Variants in LRRTM4 observed in about 807,000 individuals in gnomAD.
The protein encoded by LRRTM4 is leucine rich repeat transmembrane neuronal 4.
Under a neutral mutation model 47.6 loss-of-function variants are expected in LRRTM4, and 25 were observed. The ratio of observed to expected loss-of-function variants is 0.53; its 90% CI spans 0.38 to 0.73. LRRTM4 has a LOEUF of 0.73. LRRTM4 is among the 30% of genes least tolerant of loss of function. The pLI, the probability that LRRTM4 is intolerant of heterozygous loss-of-function variation, is 0.00. For missense variants in LRRTM4, 638 were observed against 713.4 expected, an observed-to-expected ratio of 0.89 and a Z score of 1.20; for synonymous variants, 311 against 269.5, an observed-to-expected ratio of 1.15 and a Z score of -1.51.
At chr2:76,863,718 C>T (rs1380827126) in intron 3 of LRRTM4, among the ~76,000 whole-genome samples, 3 of 152,140 alleles carry the variant, frequency 2.0e-5, no homozygotes, top group African/African-American at 4.8e-5. Flanking sequence ...AAAAAACACA[C>T]ACCTCCATAT....
At chr2:76,940,790 C>A (rs1284700860) in intron 3 of LRRTM4, among the ~76,000 whole-genome samples, 3 of 152,150 alleles carry the variant, frequency 2.0e-5, no homozygotes, top group Non-Finnish European at 1.5e-5. Flanking sequence ...ACTGTGCTAA[C>A]CTGAACTCCC....
chr2:76,846,828 T>TATAG (rs1340029450), intron 3 of LRRTM4, among the ~76,000 whole-genome samples: 1 of 152,192 alleles, frequency 6.6e-6, no homozygotes, highest in Non-Finnish European at 1.5e-5. Context: ...TTTTCATGGA[T>TATAG]ATAGCCCATT....
intron 3 of LRRTM4, among the ~76,000 whole-genome samples, chr2:76,957,616 A>G (rs1675715759): frequency 6.6e-6 from 1 of 151,740 alleles, no homozygotes; most frequent in African/African-American, 2.4e-5. Context: ...TCTTTATCAA[A>G]CTTGGATTAT....
At chr2:76,874,229 C>T (rs1672717304) in intron 3 of LRRTM4, among the ~76,000 whole-genome samples, 1 of 151,872 alleles carries the variant, frequency 6.6e-6, no homozygotes, top group Admixed American at 6.6e-5. Flanking sequence ...AGAAAACAGT[C>T]AAGGAAGTCT....
At chr2:76,925,285 T>G (rs2103818624) in intron 3 of LRRTM4, among the ~76,000 whole-genome samples, 1 of 152,174 alleles carries the variant, frequency 6.6e-6, no homozygotes, top group South Asian at 2.1e-4. Flanking sequence ...AGGGAGCGGG[T>G]TGGCTTCCAG....
rs143102340 is a variant in LRRTM4 at position 77,127,969 on chromosome 2, C to G, written c.1552-379053G>C. On this transcript the variant is annotated intron_variant, in intron 3 of 3. Coordinates refer to ENST00000409884, the MANE Select transcript of LRRTM4 (RefSeq NM_001134745.3). ...ACCTGCCTGAGCAACATGGTGAAAC[C>G]CTGTCTCTACTAAAAATACAAAAAT... Among the ~76,000 whole-genome samples, 344 of 152,092 alleles carry G rather than the reference C, an allele frequency of 2.3e-3. 4 individuals carry two copies. The highest frequency in any genetic ancestry group is 8.0e-3 in the African/African-American group (332 of 41,498).
chr2:76,798,372 G>A (rs1309478681), intron 3 of LRRTM4, among the ~76,000 whole-genome samples: 1 of 151,706 alleles, frequency 6.6e-6, no homozygotes, highest in Admixed American at 6.6e-5. Context: ...ACGAAATGAA[G>A]GCACAAATAA....
rs11437981 is a variant in LRRTM4, at chr2:76,748,540, GT to G, written c.*154del. 2.7e-5 allele frequency: 17 copies of G among 634,928 alleles called. No individual in the cohort carries two copies. The highest frequency in any genetic ancestry group is 8.7e-4 in the Middle Eastern group (2 of 2,310). 39.3% of individuals were successfully genotyped at this position (634,928 alleles called of 1,614,324 possible). On this transcript the variant is annotated 3_prime_UTR_variant, in exon 4 of 4. Coordinates refer to ENST00000409884, the MANE Select transcript of LRRTM4 (RefSeq NM_001134745.3). ...GTGCATTCGCTGCCCTCTTCAAGCA[GT>G]TTTTTTTTCTCTTTTTCTTTTCTCT...
intron 3 of LRRTM4, among the ~76,000 whole-genome samples, chr2:77,062,465 A>G (rs1573516979): frequency 1.3e-5 from 2 of 152,184 alleles, no homozygotes; most frequent in African/African-American, 4.8e-5. Context: ...TTTAAAGTTA[A>G]TAATAATTTT....
intron 3 of LRRTM4, among the ~76,000 whole-genome samples, chr2:76,900,161 G>C (rs1673574497): frequency 6.6e-6 from 1 of 152,010 alleles, no homozygotes; most frequent in Non-Finnish European, 1.5e-5. Flanking sequence ...TTGAATCTGG[G>C]AAGCACAGAT....
At chr2:76,973,981 G>A (rs1676309670) in intron 3 of LRRTM4, among the ~76,000 whole-genome samples, 1 of 151,420 alleles carries the variant, frequency 6.6e-6, no homozygotes, top group Admixed American at 6.6e-5. Flanking sequence ...TTTTCAAGAT[G>A]GAGCCTAATG....
At chr2:76,788,048 G>C (rs1674774817) in intron 3 of LRRTM4, among the ~76,000 whole-genome samples, 1 of 152,104 alleles carries the variant, frequency 6.6e-6, no homozygotes, top group South Asian at 2.1e-4. Flanking sequence ...AGGAAAAGAT[G>C]AATGAATGTT....
At chr2:76,783,560 A>G (rs1486038748) in intron 3 of LRRTM4, among the ~76,000 whole-genome samples, 1 of 152,144 alleles carries the variant, frequency 6.6e-6, no homozygotes, top group East Asian at 1.9e-4. Flanking sequence ...TCCCTGGCCC[A>G]TGGCAAACGC....
In LRRTM4 at chr2:77,038,040, A is replaced by G. The variant is rs144861979; in HGVS notation, c.1552-289124T>C. Among the ~76,000 whole-genome samples the G allele has an allele frequency of 4.0e-3, 612 of 151,746 alleles. 4 individuals carry two copies. The highest frequency in any genetic ancestry group is 5.3e-3 in the Non-Finnish European group (360 of 67,702). On this transcript the variant is annotated intron_variant, in intron 3 of 3. Transcript: ENST00000409884. ...AATAACCTATATAATTATAGTAAGC[A>G]GACTTTCTCCCCAGTGATGTGCCCA...
intron 3 of LRRTM4, among the ~76,000 whole-genome samples, chr2:77,155,061 A>G (rs898635017): frequency 2.0e-5 from 3 of 152,174 alleles, no homozygotes; most frequent in Admixed American, 6.5e-5. Flanking sequence ...ATGCAAAGCT[A>G]TGTCAATTCA....
At chr2:76,885,931 A>T (rs973621536) in intron 3 of LRRTM4, among the ~76,000 whole-genome samples, 2 of 152,194 alleles carry the variant, frequency 1.3e-5, no homozygotes, top group Non-Finnish European at 2.9e-5. Context: ...AAGAAACTAC[A>T]AATGGCTTGG....
chr2:77,022,723 G>T (rs1242315655), intron 3 of LRRTM4, among the ~76,000 whole-genome samples: 1 of 152,332 alleles, frequency 6.6e-6, no homozygotes, highest in East Asian at 1.9e-4. Context: ...TCATGCTGAT[G>T]TAAGAAATGG....
chr2:77,105,406 CA>C (rs1558582526), intron 3 of LRRTM4, among the ~76,000 whole-genome samples: 1 of 148,240 alleles, frequency 6.7e-6, no homozygotes, highest in South Asian at 2.1e-4. Flanking sequence ...ATCTCAAGGA[CA>C]AAAAACCAAA....
chr2:77,519,782 A>C lies in LRRTM4; in HGVS notation c.87T>G (p.Gly29=). 1 of 1,613,192 alleles carries C rather than the reference A, an allele frequency of 6.2e-7. No individual in the cohort carries two copies. Among genetic ancestry groups the C allele is most frequent in the Non-Finnish European group, 8.5e-7 (1 of 1,179,512 alleles). ...LPTLLLVMLT[G]AQRACPKNCR... ...AGTTCTTTGGGCAAGCTCTCTGAGC[A>C]CCCGTGAGCATAACAAGCAGCAGTG... Residue 29 remains glycine, a synonymous_variant, in exon 3 of 4, where the codon GGT becomes GGG. Coordinates refer to ENST00000409884, the MANE Select transcript of LRRTM4 (RefSeq NM_001134745.3). This position sits in a 1 kb window ranked among gnomAD's most constrained non-coding sequence, Gnocchi z 4.6.
Sources: allele counts gnomAD v4.1 joint callset (sites outside exome capture counted in the v4.1 genomes callset), GRCh38; gene constraint gnomAD v4.1.1; non-coding constraint Gnocchi (gnomAD v3.1); transcripts MANE v1.5; gene names NCBI Gene and HGNC (gene_info 2026-07-23, HGNC 2026-07-21).